The following AKAP13 variants were observed in gnomAD, a reference collection of about 807,000 sequenced individuals.
The protein encoded by AKAP13 is A-kinase anchor protein 13.
In AKAP13, 80 loss-of-function variants were observed where a neutral mutation model predicts 264.5. The ratio of observed to expected loss-of-function variants is 0.30; its 90% CI spans 0.25 to 0.36. The LOEUF (loss-of-function observed/expected upper bound fraction) is 0.36. AKAP13 is among the 10% of genes least tolerant of loss of function. The pLI, the probability that AKAP13 is intolerant of heterozygous loss-of-function variation, is 1.00. For missense variants in AKAP13, 3,712 were observed against 3,435.2 expected (o/e 1.08, Z -2.01); for synonymous variants, 1,380 against 1,250.2 (o/e 1.10, Z -2.19).
At chr15:85,465,497 C>T (rs1197806176) in intron 1 of AKAP13, among the ~76,000 whole-genome samples, 2 of 97,452 alleles carry the variant, frequency 2.1e-5, no homozygotes, top group East Asian at 3.8e-4. Context: ...GCTATCCCTC[C>T]CCCCTCCCCC....
At chr15:85,586,906 C>T (rs887932365) in intron 8 of AKAP13, among the ~76,000 whole-genome samples, 7 of 142,374 alleles carry the variant, frequency 4.9e-5, no homozygotes, top group Admixed American at 1.4e-4. Context: ...GTAGCCTGGG[C>T]GACAGAGCAC....
intron 1 of AKAP13, among the ~76,000 whole-genome samples, chr15:85,483,644 A>AAAAAAAAAC (rs2075425637): frequency 1.6e-5 from 2 of 127,066 alleles, no homozygotes; most frequent in Admixed American, 8.0e-5. Flanking sequence ...AAAAAAAAAA[A>AAAAAAAAAC]AAAAAAACAC....
chr15:85,574,652 C>G (rs921418521), intron 5 of AKAP13, among the ~76,000 whole-genome samples: 4 of 152,140 alleles, frequency 2.6e-5, no homozygotes, highest in African/African-American at 9.7e-5. Context: ...AGGGTGTTTT[C>G]TGCACCTATT....
At chr15:85,398,097 T>C (rs544414927) in intron 1 of AKAP13, among the ~76,000 whole-genome samples, 102 of 152,312 alleles carry the variant, frequency 6.7e-4, no homozygotes, top group African/African-American at 2.0e-3. Flanking sequence ...ACTCTAGAAC[T>C]TATACTCTGC....
chr15:85,684,537 C>A (rs951344999), intron 15 of AKAP13: 3 of 532,846 alleles, frequency 5.6e-6, no homozygotes, highest in Non-Finnish European at 9.9e-6. Flanking sequence ...CAGAGCAAGA[C>A]TGTCTCCAAA....
At chr15:85,636,126 T>G (rs2082061352) in intron 8 of AKAP13, among the ~76,000 whole-genome samples, 1 of 152,240 alleles carries the variant, frequency 6.6e-6, no homozygotes, top group South Asian at 2.1e-4. Context: ...TGAGTCTTAC[T>G]CATATTTTCT....
chr15:85,539,078 G>T (rs1381987134), intron 4 of AKAP13, among the ~76,000 whole-genome samples: 1 of 152,040 alleles, frequency 6.6e-6, no homozygotes, highest in East Asian at 1.9e-4. Context: ...TGATCCTCCC[G>T]CCTCGGCCTC....
At chr15:85,433,117 G>GTTTTTTTTTTTTTTTTTTTTTTTT (rs199655190) in intron 1 of AKAP13, among the ~76,000 whole-genome samples, 1 of 53,246 alleles carries the variant, frequency 1.9e-5, no homozygotes, top group African/African-American at 7.9e-5. Context: ...CTTCTGTACA[G>GTTTTTTTTTTTTTTTTTTTTTTTT]TTTTTTTTTT....
rs375992194 is a variant in AKAP13 at position 85,664,364 on chromosome 15, C to T, written c.4800-199C>T. Reference sequence around the variant, plus strand: ...TTAATGCGGTAAGAAAATCTAAGTGCAGTATTCTTTCTCAGTATTCCAAGA... The same window carrying T: ...TTAATGCGGTAAGAAAATCTAAGTGTAGTATTCTTTCTCAGTATTCCAAGA... On this transcript the variant is annotated intron_variant, in intron 12 of 36. Transcript: ENST00000394518. Among the ~76,000 whole-genome samples the T allele has an allele frequency of 7.2e-4, 109 of 152,268 alleles. 2 individuals are homozygous for T. The South Asian group carries it at 0.02, about 29-fold the overall frequency.
chr15:85,744,435 T>C, intron 36 of AKAP13, 193 bp from the exon 37 acceptor site: 1 of 617,550 alleles, frequency 1.6e-6, no homozygotes, highest in Non-Finnish European at 2.9e-6. Context: ...AAAGGGAGCA[T>C]TAGGCAGTGA....
intron 5 of AKAP13, among the ~76,000 whole-genome samples, chr15:85,558,029 C>A (rs2078214843): frequency 6.6e-6 from 1 of 152,132 alleles, no homozygotes; most frequent in African/African-American, 2.4e-5. Flanking sequence ...ATCTCTTCTG[C>A]CAGTAGTTTT....
At chr15:85,675,375 C>G (rs535518719) in intron 14 of AKAP13, among the ~76,000 whole-genome samples, 1 of 152,290 alleles carries the variant, frequency 6.6e-6, no homozygotes, top group African/African-American at 2.4e-5. Context: ...ATAGTGATGT[C>G]ACTTAGCATT....
At chr15:85,542,134 G>A (rs141017293) in intron 4 of AKAP13, among the ~76,000 whole-genome samples, 12 of 152,302 alleles carry the variant, frequency 7.9e-5, no homozygotes, top group African/African-American at 2.9e-4. Flanking sequence ...AAAGTTAGAT[G>A]GTGCTATTTG....
chr15:85,569,072 G>A (rs576140941), intron 5 of AKAP13, among the ~76,000 whole-genome samples: 6 of 152,308 alleles, frequency 3.9e-5, no homozygotes, highest in African/African-American at 7.2e-5. Context: ...GGTATTGCTA[G>A]GGATAACAGT....
intron 1 of AKAP13, among the ~76,000 whole-genome samples, chr15:85,406,333 A>G (rs942393546): frequency 1.3e-5 from 2 of 151,678 alleles, no homozygotes; most frequent in African/African-American, 2.4e-5. Context: ...GTATGGTTTT[A>G]TGATTGTGGT....
At chr15:85,488,034 A>C (rs2075614951) in intron 2 of AKAP13, among the ~76,000 whole-genome samples, 1 of 152,236 alleles carries the variant, frequency 6.6e-6, no homozygotes, top group Non-Finnish European at 1.5e-5. Context: ...AGTAGCTGGA[A>C]CCACAGGCAT....
At chr15:85,616,715 A>G (rs945389771) in intron 8 of AKAP13, among the ~76,000 whole-genome samples, 6 of 152,234 alleles carry the variant, frequency 3.9e-5, no homozygotes, top group African/African-American at 1.4e-4. Context: ...CTGTATTTCA[A>G]AATCCTGGCA....
In AKAP13 at chr15:85,655,474, A is replaced by G. The variant is rs1488573597; in HGVS notation, c.4432A>G (p.Thr1478Ala). 4 of 1,614,094 alleles carry G rather than the reference A, an allele frequency of 2.5e-6. No individual in the cohort carries two copies. Among genetic ancestry groups the G allele is most frequent in the Non-Finnish European group, 2.5e-6 (3 of 1,180,036 alleles). The change falls in exon 11 of 37, where the codon ACG (threonine) becomes GCG (alanine). Residue 1478 changes from threonine to alanine, a missense_variant. Physicochemically the swap from Thr to Ala is moderately conservative, Grantham distance 58. Coordinates refer to ENST00000394518, the MANE Select transcript of AKAP13 (RefSeq NM_007200.5). ...ITGSSSSTDD[T>A]ASLDRHSSHG... ...CGGATCCAGTTCATCCACCGATGAC[A>G]CGGCTTCACTGGACCGACATTCTTC...
At position 85,730,651 on chromosome 15, in the gene AKAP13, C is replaced by T. The variant is rs1340002486; in HGVS notation, c.7226C>T (p.Ser2409Phe). Residue 2409 changes from serine (S) to phenylalanine (F), a missense_variant, in exon 30 of 37, where the codon TCC becomes TTC. Ser to Phe is a radical substitution (Grantham distance 155). Around this residue, in one of 3 missense-constraint regions of AKAP13, gnomAD observed 611 missense variants for 539.3 expected, o/e 1.13. Coordinates refer to ENST00000394518, the MANE Select transcript of AKAP13 (RefSeq NM_007200.5). Reference protein sequence around the residue: ...PTHSPRVLFRSNTEEALKGGP... With the variant: ...PTHSPRVLFRFNTEEALKGGP... ...CATAGCCCTAGAGTTCTCTTCCGCT[C>T]CAACACAGAAGAGGCTCTCAAAGGA... The T allele has an allele frequency of 1.2e-6, 2 of 1,614,082 alleles. No individual in the cohort carries two copies. Among genetic ancestry groups the T allele is most frequent in the East Asian group, 2.2e-5 (1 of 44,878 alleles).
Sources: gnomAD v4.1 joint callset for allele counts (sites outside exome capture counted in the v4.1 genomes callset) on GRCh38, gnomAD v4.1.1 for gene constraint, gnomAD v4.1.1 regional missense constraint, MANE v1.5 for transcripts, NCBI Gene and HGNC (gene_info 2026-07-23, HGNC 2026-07-21) for gene names.